The following PSMD11 variants were observed in gnomAD, a reference collection of about 807,000 sequenced individuals.
PSMD11 encodes 26S proteasome non-ATPase regulatory subunit 11.
In PSMD11, 5 loss-of-function variants were observed where a neutral mutation model predicts 62.3. The ratio of observed to expected loss-of-function variants is 0.08; its 90% CI spans 0.04 to 0.17. The LOEUF is 0.17. Among genes scored for constraint, PSMD11 ranks in the 10% least tolerant of loss-of-function variants. PSMD11 has a pLI of 1.00. For synonymous variants in PSMD11, 191 were observed against 191.8 expected (o/e 1.00, Z 0.03); for missense variants, 310 against 512.9 (o/e 0.60, Z 3.82).
chr17:32,466,650 G>C (rs1042088146), intron 5 of PSMD11, among the ~76,000 whole-genome samples: 3 of 152,134 alleles, frequency 2.0e-5, no homozygotes, highest in Admixed American at 6.5e-5. Context: ...ATGTTCTTCT[G>C]GGTATATACC....
chr17:32,469,261 T>TG, intron 6 of PSMD11, 68 bp downstream of exon 6: 1 of 1,482,518 alleles, frequency 6.7e-7, no homozygotes, highest in Non-Finnish European at 9.1e-7. Flanking sequence ...GTGGAAGGAA[T>TG]GGGGGTTGGG....
At chr17:32,445,939 C>T (rs1424622071) in intron 1 of PSMD11, 1 of 152,144 alleles carries the variant, frequency 6.6e-6, no homozygotes, top group African/African-American at 2.4e-5. Context: ...TCTCAATCAC[C>T]GTTACATGGA....
At chr17:32,446,814 T>C in intron 1 of PSMD11, 131 bp from the exon 2 acceptor site, 1 of 476,696 alleles carries the variant, frequency 2.1e-6, no homozygotes, top group Non-Finnish European at 3.6e-6. Flanking sequence ...GTTTTTTTTT[T>C]TTTTTTAACT....
intron 5 of PSMD11, among the ~76,000 whole-genome samples, chr17:32,468,638 A>G (rs1003943063): frequency 6.6e-6 from 1 of 152,186 alleles, no homozygotes; most frequent in Non-Finnish European, 1.5e-5. Flanking sequence ...TGTTTCTTAT[A>G]TAGCCTTGTG....
At chr17:32,461,799 C>T (rs1273841891) in intron 3 of PSMD11, among the ~76,000 whole-genome samples, 1 of 152,140 alleles carries the variant, frequency 6.6e-6, no homozygotes, top group African/African-American at 2.4e-5. Context: ...TAGGTGAATT[C>T]ATCTTATACA....
intron 5 of PSMD11, 43 bp downstream of exon 5, chr17:32,464,621 T>G: frequency 1.3e-6 from 2 of 1,505,720 alleles, no homozygotes; most frequent in Non-Finnish European, 1.8e-6. Context: ...GCTAAATGAA[T>G]GTATTCTAAA....
At chr17:32,460,776 A>C (rs1045206256) in intron 3 of PSMD11, among the ~76,000 whole-genome samples, 1 of 150,286 alleles carries the variant, frequency 6.7e-6, no homozygotes, top group Admixed American at 6.6e-5. Flanking sequence ...AAAAAGACAG[A>C]TATATCTAGA....
rs1907779231 is a variant in PSMD11, at chr17:32,460,107, T to G, written c.319-3942T>G. ...GGGGGTCTTGGTCTGTGGCCCACGT[T>G]GGGGTGCAGGGTGCAATCGTAGTTC... On this transcript the variant is annotated intron_variant, in intron 3 of 13. Transcript: ENST00000261712. Among the ~76,000 whole-genome samples, 5 of 152,134 alleles carry G rather than the reference T, an allele frequency of 3.3e-5. No individual in the cohort carries two copies. The South Asian group carries it at 1.0e-3, about 31-fold the overall frequency.
At chr17:32,461,982 G>T (rs961812175) in intron 3 of PSMD11, among the ~76,000 whole-genome samples, 1 of 152,162 alleles carries the variant, frequency 6.6e-6, no homozygotes, top group African/African-American at 2.4e-5. Context: ...GATGTTACCC[G>T]TCAGTTCACC....
intron 9 of PSMD11, 83 bp from the exon 10 acceptor site, chr17:32,479,168 C>T: frequency 2.0e-6 from 3 of 1,535,470 alleles, no homozygotes; most frequent in Non-Finnish European, 2.7e-6. Context: ...TTTATAAGGG[C>T]CAGCAGACTA....
chr17:32,457,085 G>T (rs572898988), intron 3 of PSMD11, among the ~76,000 whole-genome samples: 1 of 152,178 alleles, frequency 6.6e-6, no homozygotes, highest in African/African-American at 2.4e-5. Context: ...CTGGTTAGGC[G>T]CTCCCTTAAC....
intron 2 of PSMD11, among the ~76,000 whole-genome samples, chr17:32,451,183 T>G (rs1261043630): frequency 3.9e-5 from 6 of 152,020 alleles, no homozygotes; most frequent in Non-Finnish European, 7.4e-5. Flanking sequence ...ATCATTTGCT[T>G]CTTTCGGCGT....
Position 32,480,768 on chromosome 17 carries a change from G to A in PSMD11, c.*16G>A, listed in dbSNP as rs1406930732. ...TCTCTTGCAGAGTTGGATCTGTAGC[G>A]GTCCTTTGGAGAGTGTGTGTGGCGG... On this transcript the variant is annotated 3_prime_UTR_variant, in exon 14 of 14. Coordinates refer to ENST00000261712, the MANE Select transcript of PSMD11 (RefSeq NM_002815.4). The A allele has an allele frequency of 1.7e-5, 17 of 1,021,494 alleles. No homozygotes were observed. The highest frequency in any genetic ancestry group is 2.2e-5 in the Non-Finnish European group (16 of 712,836). The allele number at this position is 1,021,494 out of a possible 1,614,324, so 63.3% of individuals were successfully genotyped here. A position where few individuals can be genotyped will look rare whatever the true frequency, so the allele number is the denominator to read the frequency against.
intron 2 of PSMD11, among the ~76,000 whole-genome samples, chr17:32,453,794 T>A (rs1253990427): frequency 6.6e-6 from 1 of 152,256 alleles, no homozygotes; most frequent in African/African-American, 2.4e-5. Flanking sequence ...AGAGTTCATA[T>A]ACTGCCCTCT....
At chr17:32,476,018 C>T (rs1597842971) in intron 8 of PSMD11, among the ~76,000 whole-genome samples, 1 of 151,844 alleles carries the variant, frequency 6.6e-6, no homozygotes, top group Admixed American at 6.6e-5. Context: ...AATCCCAGCA[C>T]TTTGGGCGGC....
rs73272896 is a variant in PSMD11 at position 32,447,137 on chromosome 17, G to C, written c.193+91G>C. The C allele has an allele frequency of 3.0e-3, 3,011 of 998,696 alleles. 52 individuals are homozygous for C. The African/African-American group carries it at 0.046, about 15-fold the overall frequency. 61.9% of individuals were successfully genotyped at this position (998,696 alleles called of 1,614,324 possible). ...GAATCATGGGACTGATCCACAAACT[G>C]AATTCAGCTTTATTTTCTTGGCAAC... is the stretch of plus-strand genomic sequence containing the variant. On this transcript the variant is annotated intron_variant, in intron 2 of 13. Transcript: ENST00000261712.
rs1351542431 is a variant in PSMD11, at chr17:32,474,760, C to T, written c.789-4C>T. On this transcript the variant is annotated splice_region_variant and splice_polypyrimidine_tract_variant and intron_variant, in intron 7 of 13. Transcript: ENST00000261712. ...CAATTGACCAAGTATGTCTTTTTTT[C>T]TAGCCCAGAAGATGTCCAGGCTTTG... The T allele has an allele frequency of 1.2e-6, 2 of 1,613,720 alleles. No individual in the cohort carries two copies. Among genetic ancestry groups the T allele is most frequent in the African/African-American group, 2.7e-5 (2 of 74,882 alleles).
intron 3 of PSMD11, among the ~76,000 whole-genome samples, chr17:32,460,700 G>C (rs1046091036): frequency 4.6e-5 from 7 of 151,252 alleles, no homozygotes; most frequent in Non-Finnish European, 8.8e-5. Flanking sequence ...GTGAACCCGG[G>C]AGGCGGAGCT....
At chr17:32,448,692 C>G (rs1907402480) in intron 2 of PSMD11, among the ~76,000 whole-genome samples, 1 of 152,154 alleles carries the variant, frequency 6.6e-6, no homozygotes. Flanking sequence ...CTCTTCTAAA[C>G]ACATACATGG....
Sources: gnomAD v4.1 joint callset for allele counts (sites outside exome capture counted in the v4.1 genomes callset) on GRCh38, gnomAD v4.1.1 for gene constraint, MANE v1.5 for transcripts, NCBI Gene and HGNC (gene_info 2026-07-23, HGNC 2026-07-21) for gene names.